Variants in UBE2F observed in about 807,000 individuals in gnomAD.
The protein encoded by UBE2F is ubiquitin conjugating enzyme E2 F (putative).
A neutral mutation model predicts 29.6 loss-of-function variants in UBE2F; 5 were observed. The observed-to-expected ratio is 0.17, with a 90% CI of 0.09 to 0.36. The LOEUF (loss-of-function observed/expected upper bound fraction) is 0.36, where lower values mean the gene tolerates loss of function less well. UBE2F is among the 10% of genes least tolerant of loss of function. UBE2F has a pLI of 1.00. For synonymous variants in UBE2F, 66 were observed against 81.8 expected (o/e 0.81, Z 1.04); for missense variants, 141 against 228.5 (o/e 0.62, Z 2.47).
rs1050389585 is a variant in UBE2F, at chr2:238,040,676, C to T, written c.508-612C>T. On this transcript the variant is annotated intron_variant, in intron 9 of 9. Transcript: ENST00000272930. This position sits in a 1 kb window ranked among gnomAD's most constrained non-coding sequence, Gnocchi z 4.4. ...CCAGATCCGAGAAGATTGTTCCACC[C>T]ATACTGGCCTGGGGTGATTCCTAGG... Among the ~76,000 whole-genome samples the T allele has an allele frequency of 6.6e-6, 1 of 152,160 alleles. No individual in the cohort carries two copies. The highest frequency in any genetic ancestry group is 1.5e-5 in the Non-Finnish European group (1 of 68,032).
intron 4 of UBE2F, among the ~76,000 whole-genome samples, chr2:238,012,597 A>G (rs2064063102): frequency 6.6e-6 from 1 of 152,222 alleles, no homozygotes; most frequent in Non-Finnish European, 1.5e-5. Flanking sequence ...CATTCAGTTT[A>G]TCAAAACTAT....
chr2:237,975,662 G>T (rs186588621), intron 2 of UBE2F, among the ~76,000 whole-genome samples: 25 of 152,244 alleles, frequency 1.6e-4, no homozygotes, highest in African/African-American at 6.0e-4. Context: ...GGACTTAACA[G>T]TGTCCTCTTT....
chr2:237,980,491 G>T (rs2063357977), intron 2 of UBE2F, among the ~76,000 whole-genome samples: 1 of 152,106 alleles, frequency 6.6e-6, no homozygotes, highest in Non-Finnish European at 1.5e-5. Context: ...TTAAATAACA[G>T]CATGAATCCC....
chr2:237,973,776 G>A lies in UBE2F; in HGVS notation c.118+551G>A, dbSNP rs1460348200. ...AGGAGAAACTTTATCCTTGGAGAAG[G>A]GTTGGTAAAATGTATGAGAGTATGC... On this transcript the variant is annotated intron_variant, in intron 2 of 9. Coordinates refer to ENST00000272930, the MANE Select transcript of UBE2F (RefSeq NM_080678.3). 22 of 1,119,100 alleles carry A rather than the reference G, an allele frequency of 2.0e-5. No individual in the cohort carries two copies. In the South Asian group the frequency reaches 3.1e-4, roughly 16 times the overall value. 69.3% of individuals were successfully genotyped at this position (1,119,100 alleles called of 1,614,324 possible).
At position 238,038,308 on chromosome 2, in the gene UBE2F, G is replaced by A. The variant is rs2064764514; in HGVS notation, c.507+2368G>A. ...CAGGGGTCCTCAAGAGAAGTAGCAG[G>A]GGTGTGAGGCAGCCCTGTGCTCACA... On this transcript the variant is annotated intron_variant, in intron 9 of 9. Coordinates refer to ENST00000272930, the MANE Select transcript of UBE2F (RefSeq NM_080678.3). 2.0e-5 allele frequency among the ~76,000 whole-genome samples: 3 copies of A among 152,342 alleles called. No homozygotes were observed. The South Asian group carries it at 6.2e-4, about 32-fold the overall frequency.
At chr2:237,993,207 C>G (rs2063624661) in intron 3 of UBE2F, among the ~76,000 whole-genome samples, 1 of 152,160 alleles carries the variant, frequency 6.6e-6, no homozygotes, top group South Asian at 2.1e-4. Context: ...AGGCTGGTCT[C>G]AAACTACTGA....
chr2:237,986,184 A>G (rs1421176058), intron 2 of UBE2F: 3 of 395,722 alleles, frequency 7.6e-6, no homozygotes, highest in Non-Finnish European at 1.5e-5. Context: ...TCTGTCACGT[A>G]GAGTGAGTGG....
intron 4 of UBE2F, among the ~76,000 whole-genome samples, chr2:238,009,569 A>G (rs565389522): frequency 2.6e-5 from 4 of 152,184 alleles, no homozygotes; most frequent in Non-Finnish European, 5.9e-5. Context: ...GTAACCGTCC[A>G]TTTCTTTCCT....
intron 2 of UBE2F, among the ~76,000 whole-genome samples, chr2:237,979,532 G>T (rs778792172): frequency 2.0e-5 from 3 of 152,218 alleles, no homozygotes; most frequent in Non-Finnish European, 2.9e-5. Flanking sequence ...ACATTGTCAG[G>T]GTAGTCACAG....
chr2:237,990,861 C>A (rs1018063663), intron 3 of UBE2F, among the ~76,000 whole-genome samples: 1 of 152,024 alleles, frequency 6.6e-6, no homozygotes, highest in East Asian at 1.9e-4. Flanking sequence ...AGTGATCCTC[C>A]CACCTTGGCC....
chr2:238,001,540 G>T (rs1007246258), intron 4 of UBE2F, among the ~76,000 whole-genome samples: 9 of 151,958 alleles, frequency 5.9e-5, no homozygotes, highest in South Asian at 2.1e-4. Flanking sequence ...TCATTAGGCC[G>T]GGCCCAGTGG....
chr2:237,993,173 A>T (rs2063623831), intron 3 of UBE2F, among the ~76,000 whole-genome samples: 1 of 152,088 alleles, frequency 6.6e-6, no homozygotes, highest in Non-Finnish European at 1.5e-5. Context: ...TTTTTAGTAG[A>T]GACGGGGTTT....
Position 237,973,140 on chromosome 2 carries a change from C to G in UBE2F, c.33C>G (p.Asp11Glu). MLTLASKLKR[D>E]DGLKGSRTAA... ...CGCTAGCAAGTAAACTGAAGCGTGA[C>G]GATGGTCTCAAAGGGTCCCGGACGG... is the stretch of plus-strand genomic sequence containing the variant. Residue 11 changes from aspartate (D) to glutamate (E), a missense_variant, in exon 2 of 10, where the codon GAC (aspartate) becomes GAG (glutamate). Coordinates refer to ENST00000272930, the MANE Select transcript of UBE2F (RefSeq NM_080678.3). 1 of 1,613,776 alleles carries G rather than the reference C, an allele frequency of 6.2e-7. No homozygotes were observed. The highest frequency in any genetic ancestry group is 1.1e-5 in the South Asian group (1 of 91,080).
At chr2:237,998,998 G>T (rs1192584181) in intron 4 of UBE2F, among the ~76,000 whole-genome samples, 1 of 152,198 alleles carries the variant, frequency 6.6e-6, no homozygotes, top group African/African-American at 2.4e-5. Flanking sequence ...TGCATGAGCT[G>T]CAGATATTTT....
chr2:237,974,501 G>GTTTT (rs370519965), intron 2 of UBE2F, among the ~76,000 whole-genome samples: 2 of 108,582 alleles, frequency 1.8e-5, no homozygotes, highest in African/African-American at 3.8e-5. Flanking sequence ...AATTTTTGTG[G>GTTTT]TTTTTTTTTT....
intron 1 of UBE2F, among the ~76,000 whole-genome samples, chr2:237,970,547 A>G (rs145093228): frequency 1.2e-3 from 188 of 152,252 alleles, no homozygotes; most frequent in Non-Finnish European, 1.9e-3. Flanking sequence ...CAACTTTGCA[A>G]TTCTGAGAGC....
intron 2 of UBE2F, chr2:237,986,171 C>CA: frequency 2.6e-6 from 1 of 381,332 alleles, no homozygotes; most frequent in Non-Finnish European, 5.0e-6. Context: ...GACGGGGTCT[C>CA]ACTCTGTCAC....
At chr2:238,005,581 A>G (rs1375644857) in intron 4 of UBE2F, among the ~76,000 whole-genome samples, 1 of 147,402 alleles carries the variant, frequency 6.8e-6, no homozygotes, top group Non-Finnish European at 1.5e-5. Context: ...CACATATTAT[A>G]CAAGAGAAGA....
intron 4 of UBE2F, 59 bp from the exon 5 acceptor site, chr2:238,016,507 T>C (rs1452228937): frequency 1.4e-6 from 2 of 1,469,366 alleles, no homozygotes; most frequent in Non-Finnish European, 1.9e-6. Flanking sequence ...GTTTGCTTTT[T>C]GTTTCCTTTT....
Sources: allele counts gnomAD v4.1 joint callset (sites outside exome capture counted in the v4.1 genomes callset), GRCh38; gene constraint gnomAD v4.1.1; non-coding constraint Gnocchi (gnomAD v3.1); transcripts MANE v1.5; gene names NCBI Gene and HGNC (gene_info 2026-07-23, HGNC 2026-07-21).